Variants in NRG1 observed in about 807,000 individuals in gnomAD.
NRG1 encodes neuregulin 1.
NRG1 carries 18 observed loss-of-function variants against 63.8 expected under a neutral mutation model. That is an observed-to-expected ratio of 0.28 (90% confidence interval 0.19 to 0.42). The LOEUF (loss-of-function observed/expected upper bound fraction) is 0.42. Ranked by LOEUF, NRG1 falls within the 10% of genes least tolerant of loss-of-function variation. The probability of loss-of-function intolerance (pLI) is 1.00; values close to 1 mark genes in which losing one functional copy is unlikely to be tolerated. For missense variants in NRG1, 762 were observed against 814.7 expected (o/e 0.94, Z 0.79); for synonymous variants, 302 against 301.3 (o/e 1.00, Z -0.02).
At chr8:32,091,960 C>T (rs1040929835) in intron 1 of NRG1, among the ~76,000 whole-genome samples, 1 of 151,984 alleles carries the variant, frequency 6.6e-6, no homozygotes, top group Non-Finnish European at 1.5e-5. Flanking sequence ...AAACATGCTC[C>T]TTGAAGCTTC....
At chr8:32,212,213 G>GGGAGAAGGAAATGATAAGACTTA (rs1346816849) in intron 1 of NRG1, among the ~76,000 whole-genome samples, 1 of 152,070 alleles carries the variant, frequency 6.6e-6, no homozygotes, top group African/African-American at 2.4e-5. Flanking sequence ...ATAGGGGCAG[G>GGGAGAAGGAAATGATAAGACTTA]GGAGAAGGAA....
At chr8:32,492,423 C>CTT (rs33989637) in intron 1 of NRG1, among the ~76,000 whole-genome samples, 87,333 of 146,668 alleles carry the variant, frequency 0.6, 26,168 homozygotes, top group East Asian at 0.77. Context: ...TCCCTTTCAT[C>CTT]TTTTTTTTTT....
chr8:31,970,453 A>G (rs963452983), intron 1 of NRG1, among the ~76,000 whole-genome samples: 3 of 152,170 alleles, frequency 2.0e-5, no homozygotes, highest in African/African-American at 7.2e-5. Flanking sequence ...TTAAGGATAG[A>G]TGGGAGAAGC....
chr8:32,656,333 T>C (rs527764799), intron 5 of NRG1, among the ~76,000 whole-genome samples: 145 of 152,160 alleles, frequency 9.5e-4, no homozygotes, highest in Non-Finnish European at 1.7e-3. Context: ...AAAAAAAGTG[T>C]TTTAAAAGTA....
chr8:32,019,556 A>G (rs1309199928), intron 1 of NRG1, among the ~76,000 whole-genome samples: 2 of 152,032 alleles, frequency 1.3e-5, no homozygotes, highest in Admixed American at 6.5e-5. Flanking sequence ...CCCAATTTAT[A>G]ATTTCCTTTT....
At chr8:32,432,779 C>T (rs549996917) in intron 1 of NRG1, among the ~76,000 whole-genome samples, 1 of 152,232 alleles carries the variant, frequency 6.6e-6, no homozygotes, top group African/African-American at 2.4e-5. Flanking sequence ...TGAGCCACCG[C>T]ACCCAGCCAA....
intron 1 of NRG1, among the ~76,000 whole-genome samples, chr8:32,249,735 G>A (rs1321515430): frequency 1.3e-5 from 2 of 152,026 alleles, no homozygotes; most frequent in Non-Finnish European, 2.9e-5. Context: ...GCCCAAATAA[G>A]CCTTATTACC....
intron 1 of NRG1, among the ~76,000 whole-genome samples, chr8:32,179,520 A>T (rs1841202362): frequency 6.6e-6 from 1 of 152,212 alleles, no homozygotes; most frequent in South Asian, 2.1e-4. Context: ...ATTTGATGTC[A>T]TGTCCATTAA....
intron 1 of NRG1, among the ~76,000 whole-genome samples, chr8:31,700,666 C>T (rs563197409): frequency 1.2e-3 from 184 of 152,266 alleles, no homozygotes; most frequent in Admixed American, 3.4e-3. Context: ...CGATTCTATG[C>T]TCACTGTCCG....
chr8:32,013,617 G>C (rs920496293), intron 1 of NRG1, among the ~76,000 whole-genome samples: 1 of 151,948 alleles, frequency 6.6e-6, no homozygotes, highest in African/African-American at 2.4e-5. Context: ...CAGATCCCAG[G>C]TAGGGCGCCA....
intron 1 of NRG1, among the ~76,000 whole-genome samples, chr8:32,021,710 G>T (rs1052946786): frequency 1.6e-4 from 15 of 95,922 alleles, no homozygotes; most frequent in African/African-American, 3.9e-4. Flanking sequence ...CATAAAAAAT[G>T]TATCTATCAA....
chr8:32,475,130 C>G (rs992348827), intron 1 of NRG1, among the ~76,000 whole-genome samples: 5 of 152,098 alleles, frequency 3.3e-5, no homozygotes, highest in African/African-American at 1.2e-4. Context: ...ACTGCCATCC[C>G]TTCTAAGGTC....
At chr8:32,745,415 C>T (rs1369066772) in intron 7 of NRG1, among the ~76,000 whole-genome samples, 3 of 152,082 alleles carry the variant, frequency 2.0e-5, no homozygotes, top group Non-Finnish European at 2.9e-5. Flanking sequence ...ATAAAACTTA[C>T]ATTATTCAGA....
chr8:31,834,281 C>T (rs1825454146), intron 1 of NRG1, among the ~76,000 whole-genome samples: 1 of 54,128 alleles, frequency 1.8e-5, no homozygotes, highest in Non-Finnish European at 4.2e-5. Context: ...AAGTAGATCT[C>T]CCTTCATGCG....
intron 1 of NRG1, among the ~76,000 whole-genome samples, chr8:32,434,706 A>T (rs1818570259): frequency 6.6e-6 from 1 of 152,208 alleles, no homozygotes; most frequent in Admixed American, 6.6e-5. Context: ...GAGATTGCCA[A>T]AATAACTTAC....
chr8:32,269,432 T>G (rs910031253), intron 1 of NRG1, among the ~76,000 whole-genome samples: 1 of 152,118 alleles, frequency 6.6e-6, no homozygotes, highest in Non-Finnish European at 1.5e-5. Context: ...CTGCCAACGA[T>G]TCTTATTAAC....
chr8:31,961,591 T>C (rs556854974), intron 1 of NRG1, among the ~76,000 whole-genome samples: 1 of 152,296 alleles, frequency 6.6e-6, no homozygotes, highest in South Asian at 2.1e-4. Context: ...TATCACTTCT[T>C]TGATAAGATA....
At chr8:32,366,903 G>A (rs180889459) in intron 1 of NRG1, among the ~76,000 whole-genome samples, 18 of 151,274 alleles carry the variant, frequency 1.2e-4, no homozygotes, top group Non-Finnish European at 2.2e-4. Context: ...GTAGAGACAG[G>A]GTTTTGCCAT....
chr8:32,074,733 G>A (rs10954825), intron 1 of NRG1, among the ~76,000 whole-genome samples: 85,265 of 152,108 alleles, frequency 0.56, 27,194 homozygotes, highest in Non-Finnish European at 0.71. Context: ...ATTGGAAATA[G>A]CAATGTGAAA....
Sources: gnomAD v4.1 joint callset for allele counts (sites outside exome capture counted in the v4.1 genomes callset) on GRCh38, gnomAD v4.1.1 for gene constraint, MANE v1.5 for transcripts, NCBI Gene and HGNC (gene_info 2026-07-23, HGNC 2026-07-21) for gene names.